The following KANK2 variants were observed in gnomAD, a reference collection of about 807,000 sequenced individuals.
KANK2 encodes the protein KN motif and ankyrin repeat domain-containing protein 2.
A neutral mutation model predicts 74.6 loss-of-function variants in KANK2; 41 were observed. The ratio of observed to expected loss-of-function variants is 0.55; its 90% CI spans 0.43 to 0.71. KANK2 has a LOEUF of 0.71. Among genes scored for constraint, KANK2 ranks in the 30% least tolerant of loss-of-function variants. The pLI, the probability that KANK2 is intolerant of heterozygous loss-of-function variation, is 0.00. For synonymous variants in KANK2, 537 were observed against 519.0 expected (o/e 1.03, Z -0.47); for missense variants, 1,148 against 1,196.4 (o/e 0.96, Z 0.60).
chr19:11,194,238 C>T (rs1387982841), intron 3 of KANK2, among the ~76,000 whole-genome samples, 196 bp from the exon 4 acceptor site: 1 of 152,102 alleles, frequency 6.6e-6, no homozygotes, highest in Non-Finnish European at 1.5e-5. Flanking sequence ...GGCTATGTCG[C>T]CTCTCAAATC....
intron 4 of KANK2, among the ~76,000 whole-genome samples, chr19:11,181,265 T>C (rs890651672): frequency 2.7e-5 from 4 of 149,244 alleles, no homozygotes; most frequent in Non-Finnish European, 4.4e-5. Context: ...TTATTATTAT[T>C]TGATACAGTC....
chr19:11,185,370 G>A (rs1175991598), intron 4 of KANK2, among the ~76,000 whole-genome samples: 2 of 148,668 alleles, frequency 1.3e-5, no homozygotes, highest in Non-Finnish European at 3.0e-5. Flanking sequence ...TAGTAGAGAT[G>A]GGGTGTCACT....
At position 11,164,613 on chromosome 19, in the gene KANK2, G is replaced by A. The variant is rs529824199; in HGVS notation, c.*1945C>T. The A allele has an allele frequency of 3.3e-5, 5 of 152,184 alleles. No homozygotes were observed. The highest frequency in any genetic ancestry group is 7.3e-5 in the Non-Finnish European group (5 of 68,044). 9.4% of individuals were successfully genotyped at this position (152,184 alleles called of 1,614,324 possible). A position where few individuals can be genotyped will look rare whatever the true frequency, so the allele number is the denominator to read the frequency against. Reference sequence around the variant, plus strand: ...GTACCGCTTCTCAAAGCTGCCCAAAGCTGCGACCTTCCCCCTCAGACACCC... The same window carrying A: ...GTACCGCTTCTCAAAGCTGCCCAAAACTGCGACCTTCCCCCTCAGACACCC... On this transcript the variant is annotated 3_prime_UTR_variant, in exon 13 of 13. Transcript: ENST00000586659.
Position 11,193,469 on chromosome 19 carries a change from T to C in KANK2, c.611A>G (p.Glu204Gly). 1 of 1,611,484 alleles carries C rather than the reference T, an allele frequency of 6.2e-7. No individual in the cohort carries two copies. The highest frequency in any genetic ancestry group is 2.2e-5 in the East Asian group (1 of 44,850). Residue 204 changes from glutamate (E) to glycine (G), a missense_variant, in exon 4 of 13, where the codon GAG becomes GGG. Coordinates refer to ENST00000586659, the MANE Select transcript of KANK2 (RefSeq NM_001136191.3). This position sits in a 1 kb window ranked among gnomAD's most constrained non-coding sequence, Gnocchi z 9.6. ...GAGCACAGGGATCAGCTTCACCTGC[T>C]CCTCCAGCTGCCGCAGCTTCCGCAG... is the stretch of plus-strand genomic sequence containing the variant. ...GALRKLRQLE[E>G]QVKLIPVLQV... is the part of the protein sequence containing the mutation.
intron 3 of KANK2, 28 bp downstream of exon 3, chr19:11,194,447 C>A (rs1467413968): frequency 6.2e-7 from 1 of 1,601,078 alleles, no homozygotes. Flanking sequence ...CTCCCCGGGG[C>A]AGGGCCCTCT....
intron 10 of KANK2, among the ~76,000 whole-genome samples, chr19:11,171,304 G>A (rs1038873691): frequency 7.9e-5 from 12 of 151,852 alleles, no homozygotes; most frequent in East Asian, 1.9e-4. Context: ...AAAATTAGCC[G>A]GGCATGGTGC....
At chr19:11,183,033 T>C (rs1332700464) in intron 4 of KANK2, among the ~76,000 whole-genome samples, 1 of 152,188 alleles carries the variant, frequency 6.6e-6, no homozygotes, top group Non-Finnish European at 1.5e-5. Flanking sequence ...ATACTTATTA[T>C]TGTTATCCCA....
chr19:11,171,815 C>G lies in KANK2; in HGVS notation c.2211+1166G>C, dbSNP rs1257463817. ...TGCCTTGAGTAGCTGGGATTACAGG[C>G]ACATGCCACCATGCCCAGCTAATTT... On this transcript the variant is annotated intron_variant, in intron 10 of 12. Transcript: ENST00000586659. 2.6e-5 allele frequency among the ~76,000 whole-genome samples: 4 copies of G among 151,376 alleles called. No individual in the cohort carries two copies. The South Asian group carries it at 8.3e-4, about 32-fold the overall frequency.
chr19:11,194,006 G>T lies in KANK2; in HGVS notation c.74C>A (p.Ala25Asp), dbSNP rs1180035161. 1 of 1,611,880 alleles carries T rather than the reference G, an allele frequency of 6.2e-7. No individual in the cohort carries two copies. The highest frequency in any genetic ancestry group is 1.7e-5 in the Admixed American group (1 of 59,776). Residue 25 changes from alanine (A) to aspartate (D), a missense_variant, in exon 4 of 13, where the codon GCC becomes GAC. By Grantham distance (126) the Ala-to-Asp change is moderately radical (BLOSUM62 -2). Coordinates refer to ENST00000586659, the MANE Select transcript of KANK2 (RefSeq NM_001136191.3). ...GGAGTAGGGTGGATCGGGGTCCTTG[G>T]CAGGGAAGGCAGGTGGGGAGGCTGG... The part of the protein sequence containing the change: ...PGPASPPAFP[A>D]KDPDPPYSVE...
Position 11,169,961 on chromosome 19 carries a change from C to T in KANK2, c.2418G>A (p.Gly806=). 1 of 1,614,120 alleles carries T rather than the reference C, an allele frequency of 6.2e-7. No homozygotes were observed. Among genetic ancestry groups the T allele is most frequent in the Non-Finnish European group, 8.5e-7 (1 of 1,179,990 alleles). The change falls in exon 12 of 13, where the codon GGG becomes GGA. Residue 806 remains glycine (G), a synonymous_variant. Transcript: ENST00000586659. ...CCAAGGCCACCATCAGAGCTGTGCT[C>T]CCATCCTGCAAAGTATCCGGTGCTA... ...SCDISLTDRD[G]STALMVALDA...
At chr19:11,177,099 T>TTC (rs2078366107) in intron 6 of KANK2, among the ~76,000 whole-genome samples, 1 of 146,036 alleles carries the variant, frequency 6.8e-6, no homozygotes, top group Admixed American at 6.9e-5. Context: ...CCTCCTTTTT[T>TTC]TTTTTTTTTT....
chr19:11,178,189 C>T (rs189887006), intron 6 of KANK2, among the ~76,000 whole-genome samples, 156 bp downstream of exon 6: 23 of 152,268 alleles, frequency 1.5e-4, no homozygotes, highest in Admixed American at 1.2e-3. Flanking sequence ...CTTAGCCTTC[C>T]TATGCCTCAG....
At chr19:11,191,230 G>T (rs1203129228) in intron 4 of KANK2, among the ~76,000 whole-genome samples, 2 of 147,648 alleles carry the variant, frequency 1.4e-5, no homozygotes, top group Admixed American at 1.3e-4. Flanking sequence ...TAATAGAGAT[G>T]GGGTTTCACT....
intron 12 of KANK2, 52 bp downstream of exon 12, chr19:11,169,825 T>C (rs745669224): frequency 7.0e-7 from 1 of 1,430,940 alleles, no homozygotes; most frequent in South Asian, 1.2e-5. Context: ...CAAATCTCTG[T>C]CCTTTCAGAG....
At chr19:11,183,325 TAGG>T in intron 4 of KANK2, among the ~76,000 whole-genome samples, 1 of 152,300 alleles carries the variant, frequency 6.6e-6, no homozygotes, top group African/African-American at 2.4e-5. Context: ...GGTGTGGTTT[TAGG>T]AGAAGCAGCT....
At chr19:11,168,625 T>C (rs1348177152) in intron 12 of KANK2, among the ~76,000 whole-genome samples, 2 of 152,138 alleles carry the variant, frequency 1.3e-5, no homozygotes, top group East Asian at 1.9e-4. Flanking sequence ...TGGATACTGT[T>C]TTCTGTTTTG....
rs1031050270 is a variant in KANK2, at chr19:11,195,803, T to G, written c.-261A>C. The G allele has an allele frequency of 3.9e-5, 6 of 152,300 alleles. No homozygotes were observed. Among genetic ancestry groups the G allele is most frequent in the Non-Finnish European group, 8.8e-5 (6 of 68,136 alleles). The allele number at this position is 152,300 out of a possible 1,614,324, so 9.4% of individuals were successfully genotyped here. On this transcript the variant is annotated 5_prime_UTR_variant, in exon 2 of 13. Transcript: ENST00000586659. ...TGTCTTTCCACGTCTCTGTCTTCGCTTCTCTGTCTTTCAACACCTGGAACA... is the reference window on the plus strand; with the variant it reads ...TGTCTTTCCACGTCTCTGTCTTCGCGTCTCTGTCTTTCAACACCTGGAACA...
intron 5 of KANK2, 39 bp downstream of exon 5, chr19:11,178,514 C>A (rs2147468058): frequency 6.2e-7 from 1 of 1,603,314 alleles, no homozygotes; most frequent in Non-Finnish European, 8.5e-7. Flanking sequence ...TGGCGCCATC[C>A]CGGTGCCCCG....
intron 6 of KANK2, among the ~76,000 whole-genome samples, chr19:11,177,719 TC>T (rs1234035836): frequency 6.6e-6 from 1 of 152,170 alleles, no homozygotes; most frequent in East Asian, 1.9e-4. Context: ...CTCTCGTGTT[TC>T]TTGCTGGCTC....
Sources: gnomAD v4.1 joint callset for allele counts (sites outside exome capture counted in the v4.1 genomes callset) on GRCh38, gnomAD v4.1.1 for gene constraint, Gnocchi (gnomAD v3.1) non-coding constraint, MANE v1.5 for transcripts, NCBI Gene and HGNC (gene_info 2026-07-23, HGNC 2026-07-21) for gene names.